NEGR1: variants seen among roughly 807,000 people sequenced by gnomAD.
The protein encoded by NEGR1 is neuronal growth regulator 1.
In NEGR1, 10 loss-of-function variants were observed where a neutral mutation model predicts 40.9. That is an observed-to-expected ratio of 0.24 (90% CI 0.15 to 0.42). The LOEUF (loss-of-function observed/expected upper bound fraction) is 0.42. NEGR1 is among the 10% of genes least tolerant of loss of function. The pLI is 1.00. For missense variants in NEGR1, 352 were observed against 438.9 expected (o/e 0.80, Z 1.77); for synonymous variants, 185 against 166.8 (o/e 1.11, Z -0.84).
intron 4 of NEGR1, among the ~76,000 whole-genome samples, chr1:71,656,770 T>C (rs1651892696): frequency 6.6e-6 from 1 of 152,220 alleles, no homozygotes; most frequent in Non-Finnish European, 1.5e-5. Context: ...GGAACTCTCC[T>C]CATAAAAGAG....
intron 2 of NEGR1, among the ~76,000 whole-genome samples, chr1:71,882,302 T>C (rs1273294598): frequency 6.6e-6 from 1 of 152,124 alleles, no homozygotes; most frequent in African/African-American, 2.4e-5. Flanking sequence ...CCCAGTGAGT[T>C]ACTTATATCA....
intron 1 of NEGR1, chr1:72,274,869 C>T: frequency 6.3e-7 from 1 of 1,591,694 alleles, no homozygotes; most frequent in East Asian, 2.2e-5. Flanking sequence ...CCAATGATGC[C>T]AACTCCTGCC....
At chr1:72,211,540 G>A (rs971898803) in intron 1 of NEGR1, among the ~76,000 whole-genome samples, 1 of 151,232 alleles carries the variant, frequency 6.6e-6, no homozygotes, top group African/African-American at 2.4e-5. Flanking sequence ...CAAGCCAGCT[G>A]TCTTCTATTA....
intron 1 of NEGR1, among the ~76,000 whole-genome samples, chr1:72,159,749 T>C (rs528434627): frequency 3.2e-4 from 48 of 152,270 alleles, no homozygotes; most frequent in African/African-American, 1.0e-3. Context: ...GGGATACGAT[T>C]ACTCATATTT....
intron 1 of NEGR1, among the ~76,000 whole-genome samples, chr1:72,104,754 T>C (rs774636999): frequency 6.6e-6 from 1 of 152,078 alleles, no homozygotes; most frequent in South Asian, 2.1e-4. Flanking sequence ...TTTAGTTTTA[T>C]AAAACAACAA....
intron 1 of NEGR1, among the ~76,000 whole-genome samples, chr1:71,946,670 T>A (rs1366192604): frequency 6.6e-6 from 1 of 152,128 alleles, no homozygotes; most frequent in Non-Finnish European, 1.5e-5. Context: ...TCCTATCTTT[T>A]CTACTGTAAA....
intron 1 of NEGR1, 149 bp from the exon 2 acceptor site, chr1:71,935,460 G>T: frequency 1.6e-6 from 1 of 627,596 alleles, no homozygotes; most frequent in Non-Finnish European, 2.8e-6. Context: ...TGAACATACT[G>T]ATGCATCTTC....
chr1:71,612,957 G>A (rs919501393), intron 4 of NEGR1, among the ~76,000 whole-genome samples: 3 of 152,162 alleles, frequency 2.0e-5, no homozygotes, highest in Non-Finnish European at 4.4e-5. Flanking sequence ...TGGAAGACTG[G>A]GTAGGACCTC....
intron 6 of NEGR1, among the ~76,000 whole-genome samples, chr1:71,560,461 T>TATATATATATATATATATA (rs1648417758): frequency 1.2e-5 from 1 of 86,422 alleles, no homozygotes; most frequent in African/African-American, 3.9e-5. Context: ...ATATATATAT[T>TATATATATATATATATATA]TCCAATTAAC....
intron 6 of NEGR1, among the ~76,000 whole-genome samples, chr1:71,474,893 T>G (rs956350028): frequency 6.6e-6 from 1 of 151,964 alleles, no homozygotes; most frequent in Non-Finnish European, 1.5e-5. Flanking sequence ...AACAGAAATA[T>G]GAAATCTATA....
chr1:71,732,946 AAAAC>A (rs1334503328), intron 3 of NEGR1, among the ~76,000 whole-genome samples: 1 of 152,226 alleles, frequency 6.6e-6, no homozygotes, highest in Non-Finnish European at 1.5e-5. Context: ...AATTAAACAA[AAAAC>A]AAACCCCACA....
intron 1 of NEGR1, among the ~76,000 whole-genome samples, chr1:71,953,979 C>T (rs939446003): frequency 5.0e-4 from 76 of 151,922 alleles, no homozygotes; most frequent in African/African-American, 1.7e-3. Context: ...CACAATACCT[C>T]CCAGGTAAGC....
intron 1 of NEGR1, among the ~76,000 whole-genome samples, chr1:72,125,714 T>C (rs1284751229): frequency 6.6e-6 from 1 of 152,184 alleles, no homozygotes; most frequent in Non-Finnish European, 1.5e-5. Flanking sequence ...TAATAAAGAC[T>C]ATGTTAATTT....
intron 1 of NEGR1, among the ~76,000 whole-genome samples, chr1:72,149,879 C>CAAAAAAAAAAAAAAAAAAAAAAAA (rs1180110033): frequency 2.5e-5 from 1 of 39,346 alleles, no homozygotes; most frequent in African/African-American, 8.5e-5. Context: ...AAAACTCTGT[C>CAAAAAAAAAAAAAAAAAAAAAAAA]AAAAAAAAAA....
chr1:72,067,855 G>A (rs955442208), intron 1 of NEGR1, among the ~76,000 whole-genome samples: 6 of 152,052 alleles, frequency 3.9e-5, no homozygotes, highest in Non-Finnish European at 8.8e-5. Context: ...ATTACTGAAG[G>A]TTATATTCAT....
chr1:72,168,599 G>A (rs1300407824), intron 1 of NEGR1, among the ~76,000 whole-genome samples: 1 of 152,072 alleles, frequency 6.6e-6, no homozygotes, highest in Non-Finnish European at 1.5e-5. Flanking sequence ...AGTCTATAGA[G>A]CACTGACAGG....
At chr1:71,768,646 T>G (rs571765076) in intron 3 of NEGR1, among the ~76,000 whole-genome samples, 1 of 152,286 alleles carries the variant, frequency 6.6e-6, no homozygotes, top group African/African-American at 2.4e-5. Context: ...GGGGGACTGT[T>G]GAGAAGGGAT....
intron 1 of NEGR1, among the ~76,000 whole-genome samples, chr1:72,142,213 C>T (rs896598037): frequency 4.0e-5 from 6 of 151,690 alleles, no homozygotes; most frequent in African/African-American, 7.3e-5. Context: ...TTTAATGCTT[C>T]GTTAAGGAGG....
At chr1:71,708,021 A>G (rs1298157201) in intron 3 of NEGR1, among the ~76,000 whole-genome samples, 1 of 152,120 alleles carries the variant, frequency 6.6e-6, no homozygotes, top group Non-Finnish European at 1.5e-5. Context: ...AAAGCCTTTC[A>G]AAAAAGGATT....
Sources: allele counts gnomAD v4.1 joint callset (sites outside exome capture counted in the v4.1 genomes callset), GRCh38; gene constraint gnomAD v4.1.1; transcripts MANE v1.5; gene names NCBI Gene and HGNC (gene_info 2026-07-23, HGNC 2026-07-21).